DHX35: variants seen among roughly 807,000 people sequenced by gnomAD.
DHX35 encodes DEAH-box helicase 35, also known as probable ATP-dependent RNA helicase DHX35.
Under a neutral mutation model 99.6 loss-of-function variants are expected in DHX35, and 84 were observed. The ratio of observed to expected loss-of-function variants is 0.84; its 90% CI spans 0.71 to 1.01. DHX35 has a LOEUF of 1.01. Ranked by LOEUF, DHX35 falls within the 50% of genes least tolerant of loss-of-function variation. DHX35 has a pLI of 0.00. For synonymous variants in DHX35, 331 were observed against 316.2 expected, an observed-to-expected ratio of 1.05 and a Z score of -0.50; for missense variants, 852 against 888.5, an observed-to-expected ratio of 0.96 and a Z score of 0.52.
Position 39,034,245 on chromosome 20 carries a change from C to T in DHX35, c.1995C>T (p.Tyr665=), listed in dbSNP as rs776716744. The change falls in exon 21 of 22, where the codon TAC becomes TAT. Residue 665 remains tyrosine (Y), a synonymous_variant. Coordinates refer to ENST00000252011, the MANE Select transcript of DHX35 (RefSeq NM_021931.4). The part of the protein sequence containing the change: ...YNEVIQTSKY[Y]MRDVTAIESA... ...AAGTTATACAGACCTCCAAGTACTA[C>T]ATGAGAGATGTGACTGCCATTGAAT... 6 of 1,614,200 alleles carry T rather than the reference C, an allele frequency of 3.7e-6. No homozygotes were observed. Among genetic ancestry groups the T allele is most frequent in the Non-Finnish European group, 5.1e-6 (6 of 1,180,028 alleles).
intron 13 of DHX35, among the ~76,000 whole-genome samples, chr20:39,011,376 C>G (rs1414953111): frequency 6.6e-6 from 1 of 152,034 alleles, no homozygotes; most frequent in Admixed American, 6.6e-5. Flanking sequence ...CACTCTGTAG[C>G]CCAGGCTGGA....
intron 8 of DHX35, among the ~76,000 whole-genome samples, chr20:39,000,784 G>A (rs1669965420): frequency 6.6e-6 from 1 of 152,120 alleles, no homozygotes; most frequent in African/African-American, 2.4e-5. Flanking sequence ...AGGGAAATGA[G>A]TAGAGGTGGG....
chr20:39,022,445 C>T (rs1372025369), intron 16 of DHX35, among the ~76,000 whole-genome samples: 4 of 152,294 alleles, frequency 2.6e-5, no homozygotes, highest in East Asian at 3.9e-4. Context: ...CGTGAGCCAC[C>T]GTGCCCGGCC....
At chr20:39,003,045 C>T (rs921426858) in intron 10 of DHX35, among the ~76,000 whole-genome samples, 177 bp downstream of exon 10, 1 of 152,166 alleles carries the variant, frequency 6.6e-6, no homozygotes, top group African/African-American at 2.4e-5. Flanking sequence ...GTCAGGGACT[C>T]GTTAGCCCCT....
At chr20:39,036,489 G>A (rs984726364) in intron 21 of DHX35, among the ~76,000 whole-genome samples, 24 of 152,112 alleles carry the variant, frequency 1.6e-4, no homozygotes, top group African/African-American at 5.1e-4. Context: ...ACTTTGGGAG[G>A]CTGAGGTGGG....
chr20:39,003,760 A>G lies in DHX35; in HGVS notation c.864A>G (p.Glu288=), dbSNP rs752525291. The change falls in exon 11 of 22, where the codon GAA becomes GAG. Residue 288 remains glutamate, a synonymous_variant. Coordinates refer to ENST00000252011, the MANE Select transcript of DHX35 (RefSeq NM_021931.4). The part of the protein sequence containing the change: ...LAFLTGQEEV[E]TVVSMLIEQA... ...TTCAACGTCTTTAGGAAGAGGTAGA[A>G]ACTGTTGTGTCGATGCTCATCGAGC... 1 of 1,613,344 alleles carries G rather than the reference A, an allele frequency of 6.2e-7. No individual in the cohort carries two copies. The highest frequency in any genetic ancestry group is 1.3e-5 in the African/African-American group (1 of 75,044).
chr20:38,980,651 T>C (rs2086158592), intron 3 of DHX35, among the ~76,000 whole-genome samples: 1 of 152,172 alleles, frequency 6.6e-6, no homozygotes, highest in Non-Finnish European at 1.5e-5. Flanking sequence ...AGTCATTTTC[T>C]AAACTTTATT....
At position 38,988,918 on chromosome 20, in the gene DHX35, G is replaced by A. The variant is rs2086291104; in HGVS notation, c.450+1G>A. Reference sequence around the variant, plus strand: ...CGACCAGCTGGCCACGAGAATTAAGGTAAAGTGCTCAAGCTGCTTTTCCTA... The same window carrying A: ...CGACCAGCTGGCCACGAGAATTAAGATAAAGTGCTCAAGCTGCTTTTCCTA... On this transcript the variant is annotated splice_donor_variant, in intron 5 of 21. Transcript: ENST00000252011. LOFTEE classifies it high-confidence loss of function. The A allele has an allele frequency of 1.2e-6, 2 of 1,611,882 alleles. No homozygotes were observed. The highest frequency in any genetic ancestry group is 3.3e-5 in the Admixed American group (2 of 59,920).
chr20:38,970,036 C>T (rs1321314598), intron 2 of DHX35, among the ~76,000 whole-genome samples: 1 of 152,194 alleles, frequency 6.6e-6, no homozygotes, highest in East Asian at 1.9e-4. Flanking sequence ...TTTCTTTCTC[C>T]TGGACGGTGC....
At chr20:39,020,136 CTTCA>C (rs1157143184) in intron 15 of DHX35, among the ~76,000 whole-genome samples, 3 of 152,168 alleles carry the variant, frequency 2.0e-5, no homozygotes, top group Non-Finnish European at 2.9e-5. Flanking sequence ...CATTTTCTTT[CTTCA>C]TTCATCCAGT....
intron 20 of DHX35, among the ~76,000 whole-genome samples, chr20:39,031,664 G>C (rs985303836): frequency 9.8e-5 from 15 of 152,300 alleles, no homozygotes; most frequent in Non-Finnish European, 2.1e-4. Context: ...CATAGGGACA[G>C]ACACAGAGTC....
intron 4 of DHX35, 126 bp from the exon 5 acceptor site, chr20:38,988,687 C>A: frequency 7.6e-7 from 1 of 1,324,320 alleles, no homozygotes; most frequent in Non-Finnish European, 1.0e-6. Flanking sequence ...AATAACTTGT[C>A]TCTTTTCATT....
intron 4 of DHX35, among the ~76,000 whole-genome samples, chr20:38,988,520 C>T (rs777993110): frequency 3.3e-5 from 5 of 152,048 alleles, no homozygotes; most frequent in Non-Finnish European, 2.9e-5. Context: ...ATCCCAGCTA[C>T]TTAGGAGGTT....
chr20:38,982,883 ATATT>A (rs1374285544), intron 3 of DHX35, among the ~76,000 whole-genome samples: 1 of 152,156 alleles, frequency 6.6e-6, no homozygotes, highest in Admixed American at 6.6e-5. Context: ...AAATACATAG[ATATT>A]AAATAAGTAG....
At chr20:38,965,345 G>A (rs1451452051) in intron 1 of DHX35, among the ~76,000 whole-genome samples, 1 of 152,206 alleles carries the variant, frequency 6.6e-6, no homozygotes, top group Non-Finnish European at 1.5e-5. Flanking sequence ...GGAAATGCAA[G>A]GTGAAAGTCA....
intron 16 of DHX35, 86 bp from the exon 17 acceptor site, chr20:39,023,604 T>C (rs1464413371): frequency 7.6e-7 from 1 of 1,310,024 alleles, no homozygotes; most frequent in East Asian, 2.3e-5. Context: ...CCTCCCACCT[T>C]AGCCTCACCA....
At position 39,039,300 on chromosome 20, in the gene DHX35, C is replaced by G. The variant is rs1056607871; in HGVS notation, c.*757C>G. 1.3e-5 allele frequency: 2 copies of G among 152,676 alleles called. No homozygotes were observed. Among genetic ancestry groups the G allele is most frequent in the African/African-American group, 4.8e-5 (2 of 41,450 alleles). 9.5% of individuals were successfully genotyped at this position (152,676 alleles called of 1,614,324 possible). Reference sequence around the variant, plus strand: ...CAGGAGAGTTCATCAGCTCAGATCCCACAGGGCCTCCTCTTTAGCAGGAAT... The same window carrying G: ...CAGGAGAGTTCATCAGCTCAGATCCGACAGGGCCTCCTCTTTAGCAGGAAT... On this transcript the variant is annotated 3_prime_UTR_variant, in exon 22 of 22. Coordinates refer to ENST00000252011, the MANE Select transcript of DHX35 (RefSeq NM_021931.4).
intron 2 of DHX35, among the ~76,000 whole-genome samples, chr20:38,972,004 GTT>G (rs752049458): frequency 0.15 from 11,767 of 80,454 alleles, 170 homozygotes; most frequent in Middle Eastern, 0.26. Flanking sequence ...GTTTTGTTTT[GTT>G]TTTTTTTTTT....
Position 39,034,246 on chromosome 20 carries a change from A to G in DHX35, c.1996A>G (p.Met666Val). The change falls in exon 21 of 22, where the codon ATG becomes GTG. Residue 666 changes from methionine to valine, a missense_variant. Transcript: ENST00000252011. ...NEVIQTSKYY[M>V]RDVTAIESAW... Reference sequence around the variant, plus strand: ...AGTTATACAGACCTCCAAGTACTACATGAGAGATGTGACTGCCATTGAATC... The same window carrying G: ...AGTTATACAGACCTCCAAGTACTACGTGAGAGATGTGACTGCCATTGAATC... The G allele has an allele frequency of 2.5e-6, 4 of 1,614,202 alleles. No individual in the cohort carries two copies. The highest frequency in any genetic ancestry group is 3.4e-6 in the Non-Finnish European group (4 of 1,180,040).
Sources: allele counts gnomAD v4.1 joint callset (sites outside exome capture counted in the v4.1 genomes callset), GRCh38; gene constraint gnomAD v4.1.1; transcripts MANE v1.5; gene names NCBI Gene and HGNC (gene_info 2026-07-23, HGNC 2026-07-21).